The following CRYZL1 variants were observed in gnomAD, a reference collection of about 807,000 sequenced individuals.
CRYZL1 encodes crystallin zeta like 1, also known as ferry endosomal RAB5 effector complex subunit 4.
Under a neutral mutation model 50.6 loss-of-function variants are expected in CRYZL1, and 34 were observed. That is an observed-to-expected ratio of 0.67 (90% confidence interval 0.51 to 0.89). CRYZL1 has a LOEUF of 0.89. Ranked by LOEUF, CRYZL1 falls within the 40% of genes least tolerant of loss-of-function variation. The probability of loss-of-function intolerance (pLI) is 0.00; values close to 1 mark genes in which losing one functional copy is unlikely to be tolerated. For missense variants in CRYZL1, 354 were observed against 402.3 expected, an observed-to-expected ratio of 0.88 and a Z score of 1.03; for synonymous variants, 125 against 134.3, an observed-to-expected ratio of 0.93 and a Z score of 0.48.
intron 6 of CRYZL1, among the ~76,000 whole-genome samples, chr21:33,604,468 G>A (rs1316017848): frequency 2.8e-4 from 42 of 149,484 alleles, no homozygotes; most frequent in Admixed American, 1.3e-4. Context: ...GGTGGAGGTT[G>A]CAGTGAGCTA....
intron 8 of CRYZL1, 145 bp from the exon 9 acceptor site, chr21:33,599,393 G>T: frequency 9.0e-7 from 1 of 1,113,808 alleles, no homozygotes; most frequent in Non-Finnish European, 1.3e-6. Flanking sequence ...TTTAAAGGGA[G>T]AAAGTCAATT....
chr21:33,604,869 G>A (rs2086795236), intron 6 of CRYZL1, among the ~76,000 whole-genome samples: 1 of 152,162 alleles, frequency 6.6e-6, no homozygotes, highest in South Asian at 2.1e-4. Flanking sequence ...AAATTGGAGT[G>A]GAAATCCTAG....
At chr21:33,607,963 T>C (rs2086830514) in intron 6 of CRYZL1, among the ~76,000 whole-genome samples, 1 of 152,184 alleles carries the variant, frequency 6.6e-6, no homozygotes, top group African/African-American at 2.4e-5. Flanking sequence ...TGTATAAATT[T>C]ATGGGGCACA....
At chr21:33,615,337 A>C (rs2086917914) in intron 5 of CRYZL1, among the ~76,000 whole-genome samples, 1 of 151,838 alleles carries the variant, frequency 6.6e-6, no homozygotes, top group African/African-American at 2.4e-5. Context: ...TTTTTTATGT[A>C]GAGTCGAGCT....
intron 11 of CRYZL1, among the ~76,000 whole-genome samples, chr21:33,592,289 C>T (rs1463548293): frequency 6.6e-6 from 1 of 151,872 alleles, no homozygotes. Flanking sequence ...CAATTCACCG[C>T]CACACCAGGT....
At chr21:33,623,764 C>G (rs1204007586) in intron 3 of CRYZL1, among the ~76,000 whole-genome samples, 1 of 152,044 alleles carries the variant, frequency 6.6e-6, no homozygotes, top group African/African-American at 2.4e-5. Flanking sequence ...AAAAATAAAA[C>G]AAAACAAACA....
intron 1 of CRYZL1, among the ~76,000 whole-genome samples, chr21:33,632,247 G>A (rs1269578039): frequency 1.3e-5 from 2 of 151,086 alleles, no homozygotes; most frequent in African/African-American, 2.4e-5. Flanking sequence ...CAGGAGAACC[G>A]CTTAAACCTG....
intron 5 of CRYZL1, 51 bp from the exon 6 acceptor site, chr21:33,613,657 T>C (rs1399490896): frequency 2.4e-6 from 3 of 1,231,888 alleles, no homozygotes; most frequent in Admixed American, 3.4e-5. Context: ...AATTCATTCC[T>C]AATGAGAGGC....
At position 33,603,464 on chromosome 21, in the gene CRYZL1, A is replaced by T; in HGVS notation, c.405T>A (p.Ala135=). The T allele has an allele frequency of 6.2e-7, 1 of 1,614,178 alleles. No homozygotes were observed. Among genetic ancestry groups the T allele is most frequent in the Non-Finnish European group, 8.5e-7 (1 of 1,180,030 alleles). ...GAGAGAGATGAGAAAGATAATGCAGAGCTGTATAGGCACGCACTCCATCCC... is the reference window on the plus strand; with the variant it reads ...GAGAGAGATGAGAAAGATAATGCAGTGCTGTATAGGCACGCACTCCATCCC... ...SIRDGVRAYT[A]LHYLSHLSPG... is the part of the protein sequence containing the mutation. Residue 135 remains alanine (A), a synonymous_variant, in exon 7 of 13, where the codon GCT becomes GCA. Coordinates refer to ENST00000381554, the MANE Select transcript of CRYZL1 (RefSeq NM_145858.3).
At chr21:33,640,281 A>G in intron 1 of CRYZL1, 1 of 1,517,246 alleles carries the variant, frequency 6.6e-7, no homozygotes, top group South Asian at 1.2e-5. Flanking sequence ...TTTCAAATCT[A>G]AACGTCTTAT....
chr21:33,635,346 CTTTT>C (rs11346670), intron 1 of CRYZL1, among the ~76,000 whole-genome samples: 1 of 93,462 alleles, frequency 1.1e-5, no homozygotes, highest in Non-Finnish European at 2.0e-5. Flanking sequence ...AAGTATTAAA[CTTTT>C]TTTTTTTTTT....
Position 33,597,478 on chromosome 21 carries a change from C to G in CRYZL1, c.677-77G>C. The G allele has an allele frequency of 2.6e-6, 3 of 1,151,158 alleles. 1 individual carries two copies. The highest frequency in any genetic ancestry group is 3.8e-6 in the Non-Finnish European group (3 of 793,190). The allele number at this position is 1,151,158 out of a possible 1,614,324, so 71.3% of individuals were successfully genotyped here. A position where few individuals can be genotyped will look rare whatever the true frequency, so the allele number is the denominator to read the frequency against. ...AATAATCTGACAAAAATTTATTCTT[C>G]AAACAAGTTCTTATTTATTTAGAGA... On this transcript the variant is annotated intron_variant, in intron 9 of 12. Transcript: ENST00000381554.
At chr21:33,624,129 T>C (rs1439005718) in intron 3 of CRYZL1, among the ~76,000 whole-genome samples, 4 of 152,164 alleles carry the variant, frequency 2.6e-5, no homozygotes, top group Non-Finnish European at 5.9e-5. Context: ...ATTTACATTA[T>C]GTCTGTTTTC....
At chr21:33,591,500 C>T (rs912519039) in intron 11 of CRYZL1, 36 of 418,606 alleles carry the variant, frequency 8.6e-5, no homozygotes, top group East Asian at 1.9e-4. Context: ...TCAATGGATG[C>T]GAATGAAATA....
intron 1 of CRYZL1, among the ~76,000 whole-genome samples, chr21:33,637,366 A>G (rs1406807953): frequency 6.6e-6 from 1 of 150,812 alleles, no homozygotes; most frequent in Non-Finnish European, 1.5e-5. Context: ...AATGGCATGA[A>G]TCCGGAAGGC....
rs933382996 is a variant in CRYZL1, at chr21:33,620,962, GTGGCGCAATCTCGGCTCACTGCA to G, written c.217+1011_217+1033del. ...TCGCTGTCGCCCAGGCTGGAGTGCA[GTGGCGCAATCTCGGCTCACTGCA>G]GCTCCGCCCCCTGGGGTTCACGCCA... is the stretch of plus-strand genomic sequence containing the variant. On this transcript the variant is annotated intron_variant, in intron 4 of 12. Coordinates refer to ENST00000381554, the MANE Select transcript of CRYZL1 (RefSeq NM_145858.3). Among the ~76,000 whole-genome samples the G allele has an allele frequency of 4.3e-3, 49 of 11,492 alleles. 1 individual carries two copies. Among genetic ancestry groups the G allele is most frequent in the Non-Finnish European group, 8.4e-3 (45 of 5,362 alleles). 7.5% of individuals were successfully genotyped at this position (11,492 alleles called of 152,430 possible).
At position 33,619,155 on chromosome 21, in the gene CRYZL1, C is replaced by G. The variant is rs540479552; in HGVS notation, c.218-2405G>C. Among the ~76,000 whole-genome samples the G allele has an allele frequency of 3.9e-5, 6 of 152,302 alleles. 1 individual carries two copies. Among genetic ancestry groups the G allele is most frequent in the African/African-American group, 1.2e-4 (5 of 41,566 alleles). On this transcript the variant is annotated intron_variant, in intron 4 of 12. Transcript: ENST00000381554. ...ATCAAATGTTGGTTCCAATTCAAGCCTGAACAAGAACTCTGTAAGCCATTC... is the reference window on the plus strand; with the variant it reads ...ATCAAATGTTGGTTCCAATTCAAGCGTGAACAAGAACTCTGTAAGCCATTC...
intron 6 of CRYZL1, among the ~76,000 whole-genome samples, chr21:33,612,964 T>G (rs2086889664): frequency 6.6e-6 from 1 of 152,196 alleles, no homozygotes; most frequent in East Asian, 1.9e-4. Context: ...GCTGGAATTA[T>G]AGGTGCGTGT....
intron 6 of CRYZL1, among the ~76,000 whole-genome samples, chr21:33,613,134 G>C (rs1261054147): frequency 2.0e-5 from 3 of 152,072 alleles, no homozygotes; most frequent in African/African-American, 7.2e-5. Flanking sequence ...CTTGAGATGA[G>C]TGTTCTTGAT....
Sources: gnomAD v4.1 joint callset for allele counts (sites outside exome capture counted in the v4.1 genomes callset) on GRCh38, gnomAD v4.1.1 for gene constraint, MANE v1.5 for transcripts, NCBI Gene and HGNC (gene_info 2026-07-23, HGNC 2026-07-21) for gene names.